Variants in SVIL observed in about 807,000 individuals in gnomAD.
SVIL encodes the protein archvillin.
In SVIL, 101 loss-of-function variants were observed where a neutral mutation model predicts 240.4. That is an observed-to-expected ratio of 0.42 (90% CI 0.36 to 0.50). The LOEUF (loss-of-function observed/expected upper bound fraction) is 0.50, where lower values mean the gene tolerates loss of function less well. Ranked by LOEUF, SVIL falls within the 20% of genes least tolerant of loss-of-function variation. The probability of loss-of-function intolerance (pLI) is 0.01; values close to 1 mark genes in which losing one functional copy is unlikely to be tolerated. For synonymous variants in SVIL, 999 were observed against 1,100.0 expected (o/e 0.91, Z 1.82); for missense variants, 2,512 against 2,818.7 (o/e 0.89, Z 2.46).
In SVIL at chr10:29,649,390, T is replaced by C. The variant is rs1260919584; in HGVS notation, c.-201+8579A>G. ...ACCCCCACGGCATGCCTCTTTCATATACAATAAAACACAACCAAGCAATTA... is the reference window on the plus strand; with the variant it reads ...ACCCCCACGGCATGCCTCTTTCATACACAATAAAACACAACCAAGCAATTA... On this transcript the variant is annotated intron_variant, in intron 3 of 35. Coordinates refer to the SVIL transcript ENST00000375400. Among the ~76,000 whole-genome samples, 3 of 152,176 alleles carry C rather than the reference T, an allele frequency of 2.0e-5. No homozygotes were observed. The East Asian group carries it at 5.8e-4, about 29-fold the overall frequency.
intron 17 of SVIL, chr10:29,507,848 A>G: frequency 1.1e-6 from 1 of 935,178 alleles, no homozygotes; most frequent in Non-Finnish European, 1.3e-6. Flanking sequence ...TAAGGTGAAA[A>G]GAGAAGATTT....
intron 24 of SVIL, among the ~76,000 whole-genome samples, 182 bp downstream of exon 24, chr10:29,486,981 C>A (rs1260539925): frequency 6.6e-6 from 1 of 152,076 alleles, no homozygotes; most frequent in Admixed American, 6.6e-5. Flanking sequence ...TAAAGTATCC[C>A]ATTTAAACAT....
rs765254036 is a variant in SVIL, at chr10:29,494,957, C to T, written c.3798G>A (p.Lys1266=). 6.2e-7 allele frequency: 1 copy of T among 1,614,026 alleles called. No homozygotes were observed. Among genetic ancestry groups the T allele is most frequent in the Non-Finnish European group, 8.5e-7 (1 of 1,180,018 alleles). The change falls in exon 20 of 38, where the codon AAG becomes AAA. Residue 1266 remains lysine, a synonymous_variant. Transcript: ENST00000355867. ...RPDMQLESDL[K]LDRLETFLRR... ...TTAGAAAGGTTTCCAGCCTGTCCAA[C>T]TTCAGGTCCGATTCTAACTGCATAT...
intron 29 of SVIL, among the ~76,000 whole-genome samples, chr10:29,478,265 G>C (rs1946422431): frequency 6.6e-6 from 1 of 152,200 alleles, no homozygotes; most frequent in South Asian, 2.1e-4. Flanking sequence ...GTGACTCTTT[G>C]TTATTAATTG....
At chr10:29,700,619 C>T (rs796072125) in intron 1 of SVIL, among the ~76,000 whole-genome samples, 67 of 152,030 alleles carry the variant, frequency 4.4e-4, no homozygotes, top group African/African-American at 1.5e-3. Flanking sequence ...TACAGGCGCC[C>T]GCCACCACAC....
chr10:29,721,786 C>T (rs992804336), intron 1 of SVIL, among the ~76,000 whole-genome samples: 1 of 152,174 alleles, frequency 6.6e-6, no homozygotes, highest in Non-Finnish European at 1.5e-5. Context: ...TGCTGGGGAT[C>T]CCTGCTTTAT....
intron 1 of SVIL, among the ~76,000 whole-genome samples, chr10:29,580,821 T>G (rs1955913221): frequency 6.6e-6 from 1 of 152,166 alleles, no homozygotes; most frequent in Non-Finnish European, 1.5e-5. Context: ...TGGCTATTTT[T>G]TGAAATTTGT....
chr10:29,683,694 ATCT>A (rs749844222), intron 2 of SVIL, among the ~76,000 whole-genome samples: 15 of 152,168 alleles, frequency 9.9e-5, no homozygotes, highest in Non-Finnish European at 1.9e-4. Flanking sequence ...CTTTGATCAC[ATCT>A]TCTCCCTCGG....
At chr10:29,634,194 A>T (rs965493688) in intron 1 of SVIL, among the ~76,000 whole-genome samples, 2 of 129,682 alleles carry the variant, frequency 1.5e-5, no homozygotes, top group South Asian at 2.3e-4. Context: ...TAAATCCTTT[A>T]AAAAAAAAAA....
intron 2 of SVIL, among the ~76,000 whole-genome samples, chr10:29,664,265 AT>A (rs1013971354): frequency 1.2e-4 from 19 of 152,186 alleles, no homozygotes; most frequent in Admixed American, 6.5e-4. Flanking sequence ...TATATTCATA[AT>A]TTTTTTTAAA....
intron 5 of SVIL, among the ~76,000 whole-genome samples, chr10:29,553,118 C>CTT (rs4018662): frequency 0.17 from 23,233 of 135,320 alleles, 2,135 homozygotes; most frequent in Admixed American, 0.25. Context: ...CAAGCCCAGC[C>CTT]TTTTTTTTTT....
intron 36 of SVIL, among the ~76,000 whole-genome samples, chr10:29,459,274 C>A (rs1183227970): frequency 1.3e-5 from 2 of 152,132 alleles, no homozygotes; most frequent in African/African-American, 2.4e-5. Context: ...CCACGCGCAC[C>A]TAATAATTTA....
At chr10:29,664,016 A>T (rs989748290) in intron 2 of SVIL, among the ~76,000 whole-genome samples, 1 of 152,222 alleles carries the variant, frequency 6.6e-6, no homozygotes, top group Non-Finnish European at 1.5e-5. Context: ...CCTACGGGAC[A>T]CGTTCCCCAT....
In SVIL at chr10:29,495,160, A is replaced by G; in HGVS notation, c.3686T>C (p.Ile1229Thr). The G allele has an allele frequency of 6.5e-7, 1 of 1,528,572 alleles. No individual in the cohort carries two copies. The highest frequency in any genetic ancestry group is 2.0e-4 in the Middle Eastern group (1 of 5,080). 94.7% of individuals were successfully genotyped at this position (1,528,572 alleles called of 1,614,324 possible). ...GCAAATGGGTGAGGCTACTGGGGTT[A>G]TGGCAGTAGGTGACGCCAAACCTGT... ...VKKGLASPTA[I>T]TPVASPICGK... The change falls in exon 19 of 38, where the codon ATA becomes ACA. Residue 1229 changes from isoleucine to threonine, a missense_variant. Physicochemically the swap from Ile to Thr is moderately conservative, Grantham distance 89. This residue lies in a region of SVIL where 272 missense variants were observed against 406.8 expected (regional missense o/e 0.67). Coordinates refer to ENST00000355867, the MANE Select transcript of SVIL (RefSeq NM_021738.3).
chr10:29,612,139 G>A (rs1046548548), intron 1 of SVIL, among the ~76,000 whole-genome samples: 1 of 152,052 alleles, frequency 6.6e-6, no homozygotes, highest in Non-Finnish European at 1.5e-5. Flanking sequence ...CAAGTCATAA[G>A]AGAATGTGCT....
intron 1 of SVIL, among the ~76,000 whole-genome samples, chr10:29,733,128 C>T (rs79709944): frequency 0.014 from 2,186 of 152,254 alleles, 49 homozygotes; most frequent in African/African-American, 0.05. Context: ...ACAGTCAGTT[C>T]AGGGCAACTA....
At chr10:29,669,255 G>A (rs1306761339) in intron 2 of SVIL, among the ~76,000 whole-genome samples, 7 of 152,142 alleles carry the variant, frequency 4.6e-5, no homozygotes, top group Admixed American at 4.6e-4. Context: ...AGTTTTGCTG[G>A]AGGAAAGAAC....
At chr10:29,520,303 T>C (rs147917683) in intron 16 of SVIL, among the ~76,000 whole-genome samples, 7 of 152,272 alleles carry the variant, frequency 4.6e-5, no homozygotes, top group African/African-American at 1.7e-4. Context: ...ATGATCTCTC[T>C]TCTTCCTCAC....
intron 16 of SVIL, among the ~76,000 whole-genome samples, chr10:29,514,202 T>TAA (rs1950054760): frequency 2.0e-5 from 3 of 151,954 alleles, no homozygotes; most frequent in Admixed American, 6.5e-5. Flanking sequence ...TAAATATTTT[T>TAA]ATCCATAAAT....
Sources: gnomAD v4.1 joint callset for allele counts (sites outside exome capture counted in the v4.1 genomes callset) on GRCh38, gnomAD v4.1.1 for gene constraint, gnomAD v4.1.1 regional missense constraint, MANE v1.5 for transcripts, NCBI Gene and HGNC (gene_info 2026-07-23, HGNC 2026-07-21) for gene names.